TPH2: variants seen among roughly 807,000 people sequenced by gnomAD.
The protein encoded by TPH2 is tryptophan 5-hydroxylase 2.
A neutral mutation model predicts 59.1 loss-of-function variants in TPH2; 27 were observed. The ratio of observed to expected loss-of-function variants is 0.46; its 90% CI spans 0.34 to 0.63. The LOEUF (loss-of-function observed/expected upper bound fraction) is 0.63. TPH2 is among the 30% of genes least tolerant of loss of function. The pLI, the probability that TPH2 is intolerant of heterozygous loss-of-function variation, is 0.01. For synonymous variants in TPH2, 220 were observed against 210.5 expected (o/e 1.05, Z -0.39); for missense variants, 523 against 588.3 (o/e 0.89, Z 1.15).
At chr12:71,976,003 C>A (rs759760494) in intron 6 of TPH2, among the ~76,000 whole-genome samples, 15 of 152,188 alleles carry the variant, frequency 9.9e-5, no homozygotes, top group Non-Finnish European at 1.5e-4. Context: ...ATTTGCCCCC[C>A]AAATTAATAT....
Position 71,938,907 on chromosome 12 carries a change from C to T in TPH2, c.-80C>T. The T allele has an allele frequency of 8.0e-7, 1 of 1,247,476 alleles. No homozygotes were observed. 77.3% of individuals were successfully genotyped at this position (1,247,476 alleles called of 1,614,324 possible). ...CAAGCAGGCAGCTGATCGCACGCCC[C>T]TTCCTCTCAATCTCCGCCAGCGCTG... On this transcript the variant is annotated 5_prime_UTR_variant, in exon 1 of 11. Transcript: ENST00000333850.
At chr12:72,001,235 A>G (rs897378316) in intron 8 of TPH2, among the ~76,000 whole-genome samples, 4 of 152,162 alleles carry the variant, frequency 2.6e-5, no homozygotes, top group African/African-American at 9.7e-5. Flanking sequence ...TGATTGAAAG[A>G]TTTGTTACTG....
chr12:71,951,175 C>G (rs1039023350), intron 5 of TPH2, among the ~76,000 whole-genome samples: 2 of 152,132 alleles, frequency 1.3e-5, no homozygotes, highest in Non-Finnish European at 2.9e-5. Context: ...CCCGCTAGCC[C>G]CATGTCCCAG....
At chr12:71,983,068 T>TA (rs57766617) in intron 7 of TPH2, among the ~76,000 whole-genome samples, 21 of 149,996 alleles carry the variant, frequency 1.4e-4, no homozygotes, top group Middle Eastern at 3.4e-3. Flanking sequence ...TCTATAAAAA[T>TA]AAAAAAAAAA....
chr12:71,989,679 C>T (rs769254505), intron 7 of TPH2, among the ~76,000 whole-genome samples: 1 of 152,178 alleles, frequency 6.6e-6, no homozygotes, highest in South Asian at 2.1e-4. Flanking sequence ...AGTTGTTCAA[C>T]GCGTAGTGTG....
At chr12:72,019,627 A>T (rs1873354821) in intron 8 of TPH2, among the ~76,000 whole-genome samples, 1 of 152,160 alleles carries the variant, frequency 6.6e-6, no homozygotes, top group African/African-American at 2.4e-5. Context: ...TATACATAGA[A>T]TGTATTCCAC....
chr12:72,004,409 T>C (rs1250688479), intron 8 of TPH2, among the ~76,000 whole-genome samples: 1 of 150,338 alleles, frequency 6.7e-6, no homozygotes, highest in Non-Finnish European at 1.5e-5. Flanking sequence ...CTTCTCATCA[T>C]TACCTAAAAA....
chr12:72,018,784 G>A (rs1566167508), intron 8 of TPH2, among the ~76,000 whole-genome samples: 1 of 152,138 alleles, frequency 6.6e-6, no homozygotes. Context: ...CTCCATTTTA[G>A]ACTTTTATTT....
At chr12:71,943,513 T>G (rs533878174) in intron 2 of TPH2, among the ~76,000 whole-genome samples, 38 of 152,328 alleles carry the variant, frequency 2.5e-4, no homozygotes, top group African/African-American at 8.9e-4. Flanking sequence ...AGATCCATCA[T>G]AGAGTGATAG....
At chr12:71,955,331 G>GT (rs1309324289) in intron 5 of TPH2, among the ~76,000 whole-genome samples, 1 of 152,138 alleles carries the variant, frequency 6.6e-6, no homozygotes, top group African/African-American at 2.4e-5. Context: ...ATTAAGTGAA[G>GT]TAAGTGGGGC....
chr12:71,942,888 C>T (rs777349312), intron 2 of TPH2, among the ~76,000 whole-genome samples: 32 of 152,160 alleles, frequency 2.1e-4, no homozygotes, highest in African/African-American at 3.9e-4. Context: ...ACAGTGCCAA[C>T]GGCAGGCCAA....
At chr12:71,991,034 A>G (rs1268649837) in intron 7 of TPH2, among the ~76,000 whole-genome samples, 1 of 152,156 alleles carries the variant, frequency 6.6e-6, no homozygotes, top group Non-Finnish European at 1.5e-5. Flanking sequence ...TTCTATGTGT[A>G]GTTAGATTAC....
At chr12:72,028,068 A>G (rs971167332) in intron 9 of TPH2, among the ~76,000 whole-genome samples, 5 of 152,118 alleles carry the variant, frequency 3.3e-5, no homozygotes, top group African/African-American at 1.2e-4. Context: ...ACTACGGGTA[A>G]ATCCAAAATA....
intron 5 of TPH2, chr12:71,962,352 ATTTAG>A: frequency 1.0e-6 from 1 of 985,428 alleles, no homozygotes; most frequent in South Asian, 4.7e-5. Flanking sequence ...ACATCTCTGT[ATTTAG>A]TTAAGTTCGG....
chr12:72,001,920 C>G (rs1313924914), intron 8 of TPH2, among the ~76,000 whole-genome samples: 4 of 151,626 alleles, frequency 2.6e-5, no homozygotes, highest in Admixed American at 2.6e-4. Flanking sequence ...AAAAAGTGAA[C>G]TTGGGAATTG....
intron 5 of TPH2, among the ~76,000 whole-genome samples, chr12:71,950,954 C>T (rs1039668442): frequency 6.6e-6 from 1 of 152,154 alleles, no homozygotes. Context: ...AGGCATCCTT[C>T]GTCCTTTCTC....
chr12:71,982,419 T>C (rs1393805316), intron 7 of TPH2, among the ~76,000 whole-genome samples: 1 of 152,210 alleles, frequency 6.6e-6, no homozygotes, highest in East Asian at 1.9e-4. Flanking sequence ...TGATACCCAG[T>C]GCATCCTCTC....
intron 7 of TPH2, among the ~76,000 whole-genome samples, chr12:71,989,123 G>A (rs1000136718): frequency 5.7e-5 from 8 of 139,560 alleles, no homozygotes; most frequent in African/African-American, 1.3e-4. Context: ...AAAAAAAAAG[G>A]TGACTTTTTG....
At chr12:71,947,663 C>A (rs1464266733) in intron 4 of TPH2, among the ~76,000 whole-genome samples, 1 of 151,938 alleles carries the variant, frequency 6.6e-6, no homozygotes, top group Non-Finnish European at 1.5e-5. Context: ...GAATGGATGG[C>A]CAAGGAATGC....
Sources: allele counts gnomAD v4.1 joint callset (sites outside exome capture counted in the v4.1 genomes callset), GRCh38; gene constraint gnomAD v4.1.1; transcripts MANE v1.5; gene names NCBI Gene and HGNC (gene_info 2026-07-23, HGNC 2026-07-21).